The following UFSP2 variants were observed in gnomAD, a reference collection of about 807,000 sequenced individuals.
UFSP2 encodes the protein ufm1-specific protease 2.
Under a neutral mutation model 60.2 loss-of-function variants are expected in UFSP2, and 43 were observed. The ratio of observed to expected loss-of-function variants is 0.71; its 90% CI spans 0.56 to 0.92. The LOEUF (loss-of-function observed/expected upper bound fraction) is 0.92. UFSP2 is among the 40% of genes least tolerant of loss of function. UFSP2 has a pLI of 0.00. For missense variants in UFSP2, 520 were observed against 575.0 expected (o/e 0.90, Z 0.98); for synonymous variants, 183 against 195.1 (o/e 0.94, Z 0.52).
At position 185,408,436 on chromosome 4, in the gene UFSP2, C is replaced by T. The variant is rs779462394; in HGVS notation, c.832-1G>A. ...CATATATGCCCTGGACCACATAAAT[C>T]TATATACAGAGAAGAAACACAGTAA... On this transcript the variant is annotated splice_acceptor_variant, in intron 7 of 11. Transcript: ENST00000264689. LOFTEE classifies it high-confidence loss of function. The T allele has an allele frequency of 2.5e-6, 4 of 1,612,588 alleles. No individual in the cohort carries two copies. The highest frequency in any genetic ancestry group is 1.3e-5 in the African/African-American group (1 of 74,788).
intron 11 of UFSP2, chr4:185,402,453 T>C (rs2095514497): frequency 2.7e-6 from 1 of 371,518 alleles, no homozygotes; most frequent in Non-Finnish European, 5.2e-6. Flanking sequence ...AAACTGAGGA[T>C]ATAACAGAGT....
Position 185,415,153 on chromosome 4 carries a change from A to G in UFSP2, c.684+2T>C. Reference sequence around the variant, plus strand: ...TTCTAAGAATAGATGAACTGGTTTTACCTTCCTATAGGCCTGCAGCTGGCC... The same window carrying G: ...TTCTAAGAATAGATGAACTGGTTTTGCCTTCCTATAGGCCTGCAGCTGGCC... On this transcript the variant is annotated splice_donor_variant, in intron 6 of 11. Coordinates refer to ENST00000264689, the MANE Select transcript of UFSP2 (RefSeq NM_018359.5). LOFTEE classifies it high-confidence loss of function. 6.4e-7 allele frequency: 1 copy of G among 1,573,008 alleles called. No individual in the cohort carries two copies. Among genetic ancestry groups the G allele is most frequent in the Non-Finnish European group, 8.6e-7 (1 of 1,169,556 alleles).
intron 7 of UFSP2, among the ~76,000 whole-genome samples, chr4:185,412,413 G>A (rs1204568136): frequency 6.6e-6 from 1 of 151,988 alleles, no homozygotes; most frequent in East Asian, 1.9e-4. Flanking sequence ...ACTCATCTAG[G>A]GTACGTACTG....
At chr4:185,410,518 A>G (rs1005165937) in intron 7 of UFSP2, among the ~76,000 whole-genome samples, 3 of 151,912 alleles carry the variant, frequency 2.0e-5, no homozygotes, top group African/African-American at 7.3e-5. Flanking sequence ...GCGTATGGCT[A>G]TTGCCAGTAA....
At chr4:185,422,401 TCA>T (rs2153295391) in intron 2 of UFSP2, 82 bp downstream of exon 2, 6 of 982,326 alleles carry the variant, frequency 6.1e-6, no homozygotes, top group East Asian at 2.5e-5. Context: ...TATCTCTCTC[TCA>T]GTTTCATTTG....
Position 185,408,071 on chromosome 4 carries a change from T to G in UFSP2, c.997-11A>C, listed in dbSNP as rs766148742. 1 of 1,612,666 alleles carries G rather than the reference T, an allele frequency of 6.2e-7. No homozygotes were observed. Among genetic ancestry groups the G allele is most frequent in the Non-Finnish European group, 8.5e-7 (1 of 1,179,062 alleles). ...GGCATCGACTAGAGCCTTGATGTAT[T>G]TAAAAATATAAAACATCCATACACA... On this transcript the variant is annotated splice_polypyrimidine_tract_variant and intron_variant, in intron 8 of 11. Transcript: ENST00000264689.
chr4:185,413,240 T>C lies in UFSP2; in HGVS notation c.831+486A>G, dbSNP rs193228958. ...CTGTCTCTACTAAAAATACAAAAAT[T>C]AGCCAGGTGTGGTGGCAGGTGCCTG... On this transcript the variant is annotated intron_variant, in intron 7 of 11. Transcript: ENST00000264689. Among the ~76,000 whole-genome samples the C allele has an allele frequency of 1.4e-3, 211 of 151,958 alleles. 1 individual carries two copies. The highest frequency in any genetic ancestry group is 4.9e-3 in the African/African-American group (203 of 41,418).
intron 11 of UFSP2, among the ~76,000 whole-genome samples, chr4:185,401,664 GT>G (rs1418958803): frequency 6.6e-6 from 1 of 152,178 alleles, no homozygotes; most frequent in Non-Finnish European, 1.5e-5. Context: ...TGAATCAATA[GT>G]TTTAATGGCA....
intron 10 of UFSP2, among the ~76,000 whole-genome samples, chr4:185,404,976 T>C (rs558410805): frequency 2.0e-5 from 3 of 151,956 alleles, no homozygotes; most frequent in Non-Finnish European, 4.4e-5. Context: ...TTCTGATATT[T>C]TGCTGACATC....
At position 185,423,361 on chromosome 4, in the gene UFSP2, T is replaced by C. The variant is rs181822345; in HGVS notation, c.4-798A>G. 3.9e-4 allele frequency among the ~76,000 whole-genome samples: 60 copies of C among 152,194 alleles called. 1 individual carries two copies. The highest frequency in any genetic ancestry group is 7.8e-4 in the Admixed American group (12 of 15,294). On this transcript the variant is annotated intron_variant, in intron 1 of 11. Transcript: ENST00000264689. ...ATATAATACCAGGGAGTCAAGACAA[T>C]GAGAGGAAACTCATACTGAGGGTGG...
intron 5 of UFSP2, among the ~76,000 whole-genome samples, 160 bp downstream of exon 5, chr4:185,415,550 C>T (rs987845875): frequency 5.3e-5 from 8 of 152,124 alleles, no homozygotes; most frequent in African/African-American, 1.9e-4. Context: ...TAGCATGCTA[C>T]CCTACTTCCT....
At chr4:185,422,708 G>T in intron 1 of UFSP2, 145 bp from the exon 2 acceptor site, 2 of 661,514 alleles carry the variant, frequency 3.0e-6, no homozygotes, top group African/African-American at 1.9e-5. Context: ...TTGTTTTATA[G>T]AAAAAACAAA....
intron 11 of UFSP2, among the ~76,000 whole-genome samples, chr4:185,401,624 CCT>C (rs1389642697): frequency 2.6e-5 from 4 of 152,294 alleles, no homozygotes; most frequent in African/African-American, 9.6e-5. Context: ...ATGGAACTCT[CCT>C]CTGGCCTCCT....
intron 11 of UFSP2, 42 bp downstream of exon 11, chr4:185,403,452 T>G: frequency 3.1e-6 from 5 of 1,601,358 alleles, no homozygotes; most frequent in Non-Finnish European, 4.3e-6. Flanking sequence ...CATTTCTAGC[T>G]TCTTTGCCTT....
intron 9 of UFSP2, 101 bp downstream of exon 9, chr4:185,407,835 T>C: frequency 8.0e-7 from 1 of 1,255,308 alleles, no homozygotes; most frequent in Non-Finnish European, 1.1e-6. Flanking sequence ...GGAAAAGGAA[T>C]AAAAAGAAAT....
chr4:185,401,575 C>T (rs1434184757), intron 11 of UFSP2, among the ~76,000 whole-genome samples: 4 of 152,136 alleles, frequency 2.6e-5, no homozygotes, highest in Admixed American at 2.0e-4. Context: ...GAACTTCAAA[C>T]AGGAAAGCAC....
chr4:185,412,387 C>T (rs887600862), intron 7 of UFSP2, among the ~76,000 whole-genome samples: 4 of 152,126 alleles, frequency 2.6e-5, no homozygotes, highest in Non-Finnish European at 5.9e-5. Context: ...TGACCAAGAC[C>T]ACAAGTGGGC....
chr4:185,408,368 C>T lies in UFSP2; in HGVS notation c.899G>A (p.Trp300Ter). 3 of 1,614,148 alleles carry T rather than the reference C, an allele frequency of 1.9e-6. No individual in the cohort carries two copies. The highest frequency in any genetic ancestry group is 1.7e-5 in the Admixed American group (1 of 60,012). ...YMQDRIDDNG[W>*]GCAYRSLQTI... ...CTGCAGAGATCGATAAGCACAGCCCCAGCCATTGTCATCTATGCGATCCTG... is the reference window on the plus strand; with the variant it reads ...CTGCAGAGATCGATAAGCACAGCCCTAGCCATTGTCATCTATGCGATCCTG... The change falls in exon 8 of 12, where the codon TGG becomes TAG. Residue 300 changes from tryptophan (W) to a stop codon, truncating the protein, a stop_gained. Transcript: ENST00000264689. LOFTEE classifies it high-confidence loss of function.
chr4:185,420,790 T>C (rs2095548055), intron 2 of UFSP2, among the ~76,000 whole-genome samples: 1 of 152,182 alleles, frequency 6.6e-6, no homozygotes, highest in Non-Finnish European at 1.5e-5. Flanking sequence ...AGCCCTTTGT[T>C]GAGTGTTGAC....
Sources: gnomAD v4.1 joint callset for allele counts (sites outside exome capture counted in the v4.1 genomes callset) on GRCh38, gnomAD v4.1.1 for gene constraint, MANE v1.5 for transcripts, NCBI Gene and HGNC (gene_info 2026-07-23, HGNC 2026-07-21) for gene names.